Variants in DCUN1D1 observed in about 807,000 individuals in gnomAD.
The protein encoded by DCUN1D1 is DCN1-like protein 1.
A neutral mutation model predicts 39.0 loss-of-function variants in DCUN1D1; 3 were observed. The ratio of observed to expected loss-of-function variants is 0.08; its 90% CI spans 0.04 to 0.20. The LOEUF (loss-of-function observed/expected upper bound fraction) is 0.20. DCUN1D1 is among the 10% of genes least tolerant of loss of function. The probability of loss-of-function intolerance (pLI) is 1.00; values close to 1 mark genes in which losing one functional copy is unlikely to be tolerated. For synonymous variants in DCUN1D1, 82 were observed against 96.3 expected, an observed-to-expected ratio of 0.85 and a Z score of 0.87; for missense variants, 158 against 302.4, an observed-to-expected ratio of 0.52 and a Z score of 3.54.
chr3:182,950,884 T>C (rs928774513), intron 4 of DCUN1D1: 1 of 151,544 alleles, frequency 6.6e-6, no homozygotes, highest in Non-Finnish European at 1.5e-5. Flanking sequence ...TGGGCACTTG[T>C]AATCCCAACT....
intron 6 of DCUN1D1, among the ~76,000 whole-genome samples, chr3:182,946,549 TC>T (rs1390999858): frequency 1.2e-5 from 1 of 81,204 alleles, no homozygotes; most frequent in Non-Finnish European, 2.3e-5. Context: ...AGAGCAAGAC[TC>T]CATCTCAAAA....
chr3:182,957,395 G>A (rs1482651312), intron 4 of DCUN1D1, among the ~76,000 whole-genome samples: 1 of 152,248 alleles, frequency 6.6e-6, no homozygotes, highest in Non-Finnish European at 1.5e-5. Context: ...GGGAGGCCAA[G>A]GCGGGGTGAT....
intron 4 of DCUN1D1, among the ~76,000 whole-genome samples, chr3:182,948,759 G>GC (rs932733648): frequency 3.2e-4 from 49 of 152,128 alleles, no homozygotes; most frequent in Admixed American, 2.3e-3. Flanking sequence ...ATTTTTAAAA[G>GC]CAACAAAGAG....
chr3:182,973,383 C>T (rs919140002), intron 1 of DCUN1D1, among the ~76,000 whole-genome samples: 12 of 152,112 alleles, frequency 7.9e-5, no homozygotes, highest in African/African-American at 2.2e-4. Flanking sequence ...CAGTTGATTG[C>T]GGGTAACTGA....
intron 1 of DCUN1D1, among the ~76,000 whole-genome samples, chr3:182,969,371 AG>A (rs1188267162): frequency 6.6e-6 from 1 of 152,232 alleles, no homozygotes; most frequent in Non-Finnish European, 1.5e-5. Flanking sequence ...CACAAGGAAG[AG>A]AAAAAGGTGA....
chr3:182,969,487 T>A (rs867337031), intron 1 of DCUN1D1, among the ~76,000 whole-genome samples: 2 of 152,198 alleles, frequency 1.3e-5, no homozygotes, highest in South Asian at 4.1e-4. Context: ...ACAAACCCAG[T>A]GGGGAACTTC....
In DCUN1D1 at chr3:182,941,282, G is replaced by C. The variant is rs1026372512; in HGVS notation, c.*3812C>G. 2.6e-5 allele frequency: 4 copies of C among 152,012 alleles called. No homozygotes were observed. Among genetic ancestry groups the C allele is most frequent in the African/African-American group, 9.7e-5 (4 of 41,404 alleles). 9.4% of individuals were successfully genotyped at this position (152,012 alleles called of 1,614,324 possible). A position where few individuals can be genotyped will look rare whatever the true frequency, so the allele number is the denominator to read the frequency against. ...TGGAAAAGGGCATTTGTACTATTAG[G>C]AACTTTCTCATTTATCTTAACTACA... is the stretch of plus-strand genomic sequence containing the variant. On this transcript the variant is annotated 3_prime_UTR_variant, in exon 7 of 7. Coordinates refer to ENST00000292782, the MANE Select transcript of DCUN1D1 (RefSeq NM_020640.4).
In DCUN1D1 at chr3:182,980,523, C is replaced by T. The variant is rs1028603940; in HGVS notation, c.-34G>A. Reference sequence around the variant, plus strand: ...CCTCCAGGCCTCTCCCCTCCTCCTCCGGCTCCGCAGCGAATGGACGGCGGC... The same window carrying T: ...CCTCCAGGCCTCTCCCCTCCTCCTCTGGCTCCGCAGCGAATGGACGGCGGC... On this transcript the variant is annotated 5_prime_UTR_variant, in exon 1 of 7. Transcript: ENST00000292782. 10 of 1,237,214 alleles carry T rather than the reference C, an allele frequency of 8.1e-6. No homozygotes were observed. Among genetic ancestry groups the T allele is most frequent in the Admixed American group, 5.8e-5 (2 of 34,742 alleles). The allele number at this position is 1,237,214 out of a possible 1,614,324, so 76.6% of individuals were successfully genotyped here. A position where few individuals can be genotyped will look rare whatever the true frequency, so the allele number is the denominator to read the frequency against.
intron 4 of DCUN1D1, among the ~76,000 whole-genome samples, chr3:182,954,120 CAT>C (rs1264030598): frequency 6.6e-6 from 1 of 152,094 alleles, no homozygotes; most frequent in Non-Finnish European, 1.5e-5. Context: ...TATAAAATAA[CAT>C]ATATAGTATA....
At chr3:182,965,349 C>T (rs574576864) in intron 2 of DCUN1D1, among the ~76,000 whole-genome samples, 188 bp downstream of exon 2, 1 of 152,154 alleles carries the variant, frequency 6.6e-6, no homozygotes, top group East Asian at 1.9e-4. Flanking sequence ...AATAAAGAGG[C>T]CAAGAAGAAA....
intron 5 of DCUN1D1, 36 bp from the exon 6 acceptor site, chr3:182,947,370 A>C (rs1180215670): frequency 1.4e-6 from 2 of 1,409,110 alleles, no homozygotes; most frequent in Admixed American, 4.3e-5. Context: ...CATTTGTATC[A>C]CTAAAAAGAG....
At chr3:182,983,816 T>A (rs1400574464), upstream of DCUN1D1, among the ~76,000 whole-genome samples, 1 of 152,178 alleles carries the variant, frequency 6.6e-6, no homozygotes, top group Non-Finnish European at 1.5e-5. Context: ...CACATTATAT[T>A]TCCCACCAAG....
chr3:182,971,731 G>C (rs748815884), intron 1 of DCUN1D1, among the ~76,000 whole-genome samples: 9 of 152,156 alleles, frequency 5.9e-5, no homozygotes, highest in Non-Finnish European at 1.3e-4. Context: ...TTTTACCAAT[G>C]AGGAACCAAA....
At position 182,947,276 on chromosome 3, in the gene DCUN1D1, G is replaced by A. The variant is rs777859787; in HGVS notation, c.662C>T (p.Thr221Met). ...ATTAGACATGTCATCTGCAATCATC[G>A]TACTGAAGTCTAAAAGAAGATTCCA... is the stretch of plus-strand genomic sequence containing the variant. Reference protein sequence around the residue: ...DTWNLLLDFSTMIADDMSNYD... With the variant: ...DTWNLLLDFSMMIADDMSNYD... The change falls in exon 6 of 7, where the codon ACG (threonine) becomes ATG (methionine). Residue 221 changes from threonine (T) to methionine (M), a missense_variant. Thr to Met is a moderately conservative substitution (Grantham distance 81). Transcript: ENST00000292782. 10 of 1,608,934 alleles carry A rather than the reference G, an allele frequency of 6.2e-6. No homozygotes were observed. The highest frequency in any genetic ancestry group is 1.7e-5 in the Admixed American group (1 of 59,146).
chr3:182,945,089 T>C lies in DCUN1D1; in HGVS notation c.*5A>G. 1.9e-6 allele frequency: 3 copies of C among 1,611,016 alleles called. No homozygotes were observed. The highest frequency in any genetic ancestry group is 2.2e-5 in the East Asian group (1 of 44,830). On this transcript the variant is annotated 3_prime_UTR_variant, in exon 7 of 7. Coordinates refer to ENST00000292782, the MANE Select transcript of DCUN1D1 (RefSeq NM_020640.4). Reference sequence around the variant, plus strand: ...CTATGTACATTCTAGAAGGTTCCTTTAGTGCTACACTGTTGTACTTTTTGT... The same window carrying C: ...CTATGTACATTCTAGAAGGTTCCTTCAGTGCTACACTGTTGTACTTTTTGT...
At chr3:182,975,907 T>C (rs1728214817) in intron 1 of DCUN1D1, among the ~76,000 whole-genome samples, 1 of 121,780 alleles carries the variant, frequency 8.2e-6, no homozygotes, top group Non-Finnish European at 1.7e-5. Context: ...GAAGTGGGAG[T>C]GGAGATTAAT....
Position 182,938,307 on chromosome 3 carries a change from C to T in DCUN1D1, c.*6787G>A, listed in dbSNP as rs1343185289. On this transcript the variant is annotated 3_prime_UTR_variant, in exon 7 of 7. Coordinates refer to ENST00000292782, the MANE Select transcript of DCUN1D1 (RefSeq NM_020640.4). ...GAGTGTGGGGATCCACTGGGTAGGA[C>T]ATTTGAGATGTATGCAATGTAGGAA... 1 of 145,434 alleles carries T rather than the reference C, an allele frequency of 6.9e-6. No individual in the cohort carries two copies. The highest frequency in any genetic ancestry group is 1.5e-5 in the Non-Finnish European group (1 of 66,830). 9.0% of individuals were successfully genotyped at this position (145,434 alleles called of 1,614,324 possible). A position where few individuals can be genotyped will look rare whatever the true frequency, so the allele number is the denominator to read the frequency against.
At chr3:182,962,147 T>C (rs1401971975) in intron 3 of DCUN1D1, among the ~76,000 whole-genome samples, 3 of 152,254 alleles carry the variant, frequency 2.0e-5, no homozygotes, top group Non-Finnish European at 4.4e-5. Context: ...GAATTCAGTT[T>C]CAAATGTTTA....
chr3:182,963,805 T>C lies in DCUN1D1; in HGVS notation c.389+76A>G, dbSNP rs927821800. The C allele has an allele frequency of 6.2e-6, 8 of 1,280,264 alleles. No individual in the cohort carries two copies. In the African/African-American group the frequency reaches 1.2e-4, roughly 19 times the overall value. The allele number at this position is 1,280,264 out of a possible 1,614,324, so 79.3% of individuals were successfully genotyped here. A position where few individuals can be genotyped will look rare whatever the true frequency, so the allele number is the denominator to read the frequency against. ...GTTTGTGGGCCAGCAAATCTTTAAA[T>C]TTACACTAAAAAGTTCATGACATAA... On this transcript the variant is annotated intron_variant, in intron 3 of 6. Coordinates refer to ENST00000292782, the MANE Select transcript of DCUN1D1 (RefSeq NM_020640.4).
Sources: gnomAD v4.1 joint callset for allele counts (sites outside exome capture counted in the v4.1 genomes callset) on GRCh38, gnomAD v4.1.1 for gene constraint, MANE v1.5 for transcripts, NCBI Gene and HGNC (gene_info 2026-07-23, HGNC 2026-07-21) for gene names.